Variants in MMGT1 observed in about 807,000 individuals in gnomAD.
MMGT1 encodes ER membrane protein complex subunit 5.
Under a neutral mutation model 11.7 loss-of-function variants are expected in MMGT1, and 2 were observed. That is an observed-to-expected ratio of 0.17 (90% CI 0.07 to 0.54). The LOEUF is 0.54. Ranked by LOEUF, MMGT1 falls within the 20% of genes least tolerant of loss-of-function variation. The pLI is 0.94. For synonymous variants in MMGT1, 49 were observed against 44.4 expected, an observed-to-expected ratio of 1.10 and a Z score of -0.41; for missense variants, 74 against 109.0, an observed-to-expected ratio of 0.68 and a Z score of 1.43.
chrX:135,967,054 G>A (rs1010641119), intron 3 of MMGT1, among the ~76,000 whole-genome samples: 1 of 108,122 alleles, frequency 9.2e-6, no homozygotes, highest in African/African-American at 3.4e-5. Context: ...GGGAAGGGAG[G>A]GGGGAAGAAA....
intron 2 of MMGT1, among the ~76,000 whole-genome samples, chrX:135,968,499 TTGTGTGTGTG>T (rs61012323): frequency 0.013 from 1,102 of 85,017 alleles, 16 homozygotes; most frequent in African/African-American, 0.045. Context: ...CATTATGTCA[TTGTGTGTGTG>T]TGTGTGTGTG....
In MMGT1 at chrX:135,963,176, G is replaced by A. The variant is rs1251232459; in HGVS notation, c.*1848C>T. On this transcript the variant is annotated 3_prime_UTR_variant, in exon 4 of 4. Coordinates refer to ENST00000305963, the MANE Select transcript of MMGT1 (RefSeq NM_173470.3). ...TGAGAGGTGACTGCTCAAGGGTACAGGGTTTCTTTTTGGGGTAACGAAATG... is the reference window on the plus strand; with the variant it reads ...TGAGAGGTGACTGCTCAAGGGTACAAGGTTTCTTTTTGGGGTAACGAAATG... 1.8e-5 allele frequency: 2 copies of A among 111,499 alleles called. No homozygotes were observed. Among genetic ancestry groups the A allele is most frequent in the African/African-American group, 6.5e-5 (2 of 30,641 alleles). The allele number at this position is 111,499 out of a possible 1,213,427, so 9.2% of individuals were successfully genotyped here. A position where few individuals can be genotyped will look rare whatever the true frequency, so the allele number is the denominator to read the frequency against.
Position 135,964,970 on chromosome X carries a change from A to G in MMGT1, c.*54T>C. 9.0e-7 allele frequency: 1 copy of G among 1,106,124 alleles called. No homozygotes were observed. The highest frequency in any genetic ancestry group is 3.0e-5 in the East Asian group (1 of 33,190). 91.2% of individuals were successfully genotyped at this position (1,106,124 alleles called of 1,213,427 possible). A position where few individuals can be genotyped will look rare whatever the true frequency, so the allele number is the denominator to read the frequency against. ...GCAGGGAGGAGTGTTTTATACCCCAAACTCCAATATTCCAGCTCTGTGTCC... is the reference window on the plus strand; with the variant it reads ...GCAGGGAGGAGTGTTTTATACCCCAGACTCCAATATTCCAGCTCTGTGTCC... On this transcript the variant is annotated 3_prime_UTR_variant, in exon 4 of 4. Transcript: ENST00000305963.
rs2089175637 is a variant in MMGT1 at position 135,964,744 on chromosome X, A to C, written c.*280T>G. On this transcript the variant is annotated 3_prime_UTR_variant, in exon 4 of 4. Coordinates refer to ENST00000305963, the MANE Select transcript of MMGT1 (RefSeq NM_173470.3). ...AAAAACCACCAACATTTTTCAAGGA[A>C]ATGTGTTCAAAACAGTGGCTTTTAC... 1 of 211,373 alleles carries C rather than the reference A, an allele frequency of 4.7e-6. No individual in the cohort carries two copies. The highest frequency in any genetic ancestry group is 2.9e-5 in the African/African-American group (1 of 34,538). The allele number at this position is 211,373 out of a possible 1,213,427, so 17.4% of individuals were successfully genotyped here. A position where few individuals can be genotyped will look rare whatever the true frequency, so the allele number is the denominator to read the frequency against.
At chrX:135,970,840 C>T (rs1358032356) in intron 2 of MMGT1, among the ~76,000 whole-genome samples, 4 of 111,762 alleles carry the variant, frequency 3.6e-5, no homozygotes, top group Admixed American at 9.5e-5. Flanking sequence ...ACCTGGGAGG[C>T]GGAGCTTGCA....
In MMGT1 at chrX:135,963,010, A is replaced by G. The variant is rs1382827564; in HGVS notation, c.*2014T>C. 1 of 111,556 alleles carries G rather than the reference A, an allele frequency of 9.0e-6. No homozygotes were observed. The highest frequency in any genetic ancestry group is 3.3e-5 in the African/African-American group (1 of 30,670). 9.2% of individuals were successfully genotyped at this position (111,556 alleles called of 1,213,427 possible). A position where few individuals can be genotyped will look rare whatever the true frequency, so the allele number is the denominator to read the frequency against. ...ATTTTCTCACTCCATATAGAAAATC[A>G]TATTTGGGAAGCCAGTCCCAAAAGA... On this transcript the variant is annotated 3_prime_UTR_variant, in exon 4 of 4. Coordinates refer to ENST00000305963, the MANE Select transcript of MMGT1 (RefSeq NM_173470.3).
chrX:135,965,066 G>T lies in MMGT1; in HGVS notation c.354C>A (p.Asn118Lys). Reference protein sequence around the residue: ...NSSNQDALSSNTSLKLRKLES... With the variant: ...NSSNQDALSSKTSLKLRKLES... ...CGAGTTTTCGTAACTTCAATGATGT[G>T]TTAGAGGACAATGCATCTTGGTTTG... is the stretch of plus-strand genomic sequence containing the variant. Residue 118 changes from asparagine (N) to lysine (K), a missense_variant, in exon 4 of 4, where the codon AAC becomes AAA. Asn to Lys is a moderately conservative substitution (Grantham distance 94, BLOSUM62 0). Transcript: ENST00000305963. The T allele has an allele frequency of 8.3e-7, 1 of 1,209,925 alleles. No individual in the cohort carries two copies. Among genetic ancestry groups the T allele is most frequent in the Non-Finnish European group, 1.1e-6 (1 of 893,997 alleles).
At chrX:135,971,869 T>A (rs782177001) in intron 1 of MMGT1, among the ~76,000 whole-genome samples, 1 of 112,576 alleles carries the variant, frequency 8.9e-6, no homozygotes, top group Admixed American at 9.4e-5. Context: ...TTTACTATAA[T>A]TTCATTTAAT....
intron 2 of MMGT1, among the ~76,000 whole-genome samples, chrX:135,970,636 G>A (rs1556612496): frequency 9.0e-6 from 1 of 111,209 alleles, no homozygotes; most frequent in Non-Finnish European, 1.9e-5. Context: ...CAGGCCAGGC[G>A]CGGTGGCTCA....
At chrX:135,971,201 T>C (rs2089216951) in intron 1 of MMGT1, 91 bp from the exon 2 acceptor site, 4 of 606,146 alleles carry the variant, frequency 6.6e-6, no homozygotes, top group Non-Finnish European at 1.1e-5. Flanking sequence ...AGTGGCTGAC[T>C]TATGTGCAGC....
intron 3 of MMGT1, 41 bp downstream of exon 3, chrX:135,967,349 C>T (rs782353547): frequency 1.2e-6 from 1 of 849,089 alleles, no homozygotes; most frequent in African/African-American, 2.0e-5. Context: ...ATACAGCAAA[C>T]CTCTATGAAA....
rs781991961 is a variant in MMGT1 at position 135,964,943 on chromosome X, G to A, written c.*81C>T. ...GAAAGATCAATATAAATACTAATGG[G>A]GGCAGGGAGGAGTGTTTTATACCCC... On this transcript the variant is annotated 3_prime_UTR_variant, in exon 4 of 4. Transcript: ENST00000305963. The A allele has an allele frequency of 1.2e-6, 1 of 860,358 alleles. No homozygotes were observed. The highest frequency in any genetic ancestry group is 2.5e-5 in the South Asian group (1 of 40,391). The allele number at this position is 860,358 out of a possible 1,213,427, so 70.9% of individuals were successfully genotyped here. A position where few individuals can be genotyped will look rare whatever the true frequency, so the allele number is the denominator to read the frequency against.
In MMGT1 at chrX:135,968,234, A is replaced by C. The variant is rs2089197377; in HGVS notation, c.133-741T>G. Among the ~76,000 whole-genome samples the C allele has an allele frequency of 2.7e-5, 3 of 111,708 alleles. No homozygotes were observed. In the South Asian group the frequency reaches 1.1e-3, roughly 41 times the overall value. On this transcript the variant is annotated intron_variant, in intron 2 of 3. Coordinates refer to ENST00000305963, the MANE Select transcript of MMGT1 (RefSeq NM_173470.3). ...TTAAAAGACCATGTACCCACCACCC[A>C]GCTTAAGAAATAGATCATTCCTAGT...
Position 135,965,016 on chromosome X carries a change from T to TA in MMGT1, c.*7dup. 8.3e-7 allele frequency: 1 copy of TA among 1,203,585 alleles called. No individual in the cohort carries two copies. The highest frequency in any genetic ancestry group is 1.1e-6 in the Non-Finnish European group (1 of 889,272). The stretch of plus-strand genomic sequence containing the variant: ...TGTCCTGTCCTATTATTATAATTTG[T>TA]AAAAATCTTAACGACGCAGTGATTC... On this transcript the variant is annotated 3_prime_UTR_variant, in exon 4 of 4. Transcript: ENST00000305963.
intron 2 of MMGT1, 91 bp downstream of exon 2, chrX:135,970,967 A>G: frequency 1.7e-6 from 1 of 573,679 alleles, no homozygotes. Flanking sequence ...TGTCTGAAAA[A>G]TTTTACGAAA....
At chrX:135,967,964 TCTC>T (rs1257734570) in intron 2 of MMGT1, among the ~76,000 whole-genome samples, 1 of 111,187 alleles carries the variant, frequency 9.0e-6, no homozygotes, top group Admixed American at 9.6e-5. Context: ...TTCAAGCAAT[TCTC>T]CTGTTTCAGC....
chrX:135,970,429 T>C (rs1184309837), intron 2 of MMGT1, among the ~76,000 whole-genome samples: 1 of 112,049 alleles, frequency 8.9e-6, no homozygotes, highest in Non-Finnish European at 1.9e-5. Context: ...CCCTAAACAA[T>C]GTACTGTTGG....
rs55994964 is a variant in MMGT1 at position 135,967,168 on chromosome X, G to A, written c.236+222C>T. Among the ~76,000 whole-genome samples the A allele has an allele frequency of 0.1, 11,192 of 111,266 alleles. 478 individuals are homozygous for A. Among genetic ancestry groups the A allele is most frequent in the Admixed American group, 0.15 (1,546 of 10,467 alleles). Reference sequence around the variant, plus strand: ...CAACCAACCAATAATTTTAAGCAACGTATTTTTTTGATTCTACTGTGAATA... The same window carrying A: ...CAACCAACCAATAATTTTAAGCAACATATTTTTTTGATTCTACTGTGAATA... On this transcript the variant is annotated intron_variant, in intron 3 of 3. Coordinates refer to ENST00000305963, the MANE Select transcript of MMGT1 (RefSeq NM_173470.3).
Position 135,963,951 on chromosome X carries a change from C to T in MMGT1, c.*1073G>A, listed in dbSNP as rs2089171531. 1 of 112,574 alleles carries T rather than the reference C, an allele frequency of 8.9e-6. No homozygotes were observed. Among genetic ancestry groups the T allele is most frequent in the African/African-American group, 3.2e-5 (1 of 30,988 alleles). The allele number at this position is 112,574 out of a possible 1,213,427, so 9.3% of individuals were successfully genotyped here. ...TATCAACTCTGTATCCTCATCCTCA[C>T]TTTCAGCAACATACAGTGAAGATGG... On this transcript the variant is annotated 3_prime_UTR_variant, in exon 4 of 4. Transcript: ENST00000305963.
Sources: allele counts gnomAD v4.1 joint callset (sites outside exome capture counted in the v4.1 genomes callset), GRCh38; gene constraint gnomAD v4.1.1; transcripts MANE v1.5; gene names NCBI Gene and HGNC (gene_info 2026-07-23, HGNC 2026-07-21).